Variants in CEP295 observed in about 807,000 individuals in gnomAD.
CEP295 encodes centrosomal protein 295.
In CEP295, 190 loss-of-function variants were observed where a neutral mutation model predicts 291.6. The observed-to-expected ratio is 0.65, with a 90% CI of 0.58 to 0.73. The LOEUF (loss-of-function observed/expected upper bound fraction) is 0.73. Ranked by LOEUF, CEP295 falls within the 30% of genes least tolerant of loss-of-function variation. The pLI is 0.00. For synonymous variants in CEP295, 993 were observed against 1,038.8 expected, an observed-to-expected ratio of 0.96 and a Z score of 0.85; for missense variants, 2,863 against 2,949.4, an observed-to-expected ratio of 0.97 and a Z score of 0.68.
chr11:93,700,678 C>T lies in CEP295; in HGVS notation c.5274+492C>T, dbSNP rs559489407. ...GTGCGGGGATTACAGGTGTGAGCCACCACACCTGACCCAAAGCTCAATTAA... is the reference window on the plus strand; with the variant it reads ...GTGCGGGGATTACAGGTGTGAGCCATCACACCTGACCCAAAGCTCAATTAA... On this transcript the variant is annotated intron_variant, in intron 15 of 29. Transcript: ENST00000325212. Among the ~76,000 whole-genome samples the T allele has an allele frequency of 6.6e-4, 100 of 152,024 alleles. 2 individuals carry two copies. The South Asian group carries it at 7.1e-3, about 11-fold the overall frequency.
intron 1 of CEP295, among the ~76,000 whole-genome samples, chr11:93,662,920 C>T (rs546422717): frequency 4.6e-4 from 70 of 152,182 alleles, no homozygotes; most frequent in South Asian, 1.0e-3. Context: ...TGAAAAGGTG[C>T]CTAATCAATT....
Position 93,698,778 on chromosome 11 carries a change from C to T in CEP295, c.3866C>T (p.Ser1289Phe). Residue 1289 changes from serine (S) to phenylalanine (F), a missense_variant, in exon 15 of 30, where the codon TCT (serine) becomes TTT (phenylalanine). Transcript: ENST00000325212. ...ACATCTTCTGAACAAACTGGTTCAT[C>T]TTCATTCATACCCCAGTTGGTACAG... Reference protein sequence around the residue: ...ENTSSEQTGSSSFIPQLVQLS... With the variant: ...ENTSSEQTGSFSFIPQLVQLS... 6.4e-7 allele frequency: 1 copy of T among 1,551,724 alleles called. No homozygotes were observed. The highest frequency in any genetic ancestry group is 8.7e-7 in the Non-Finnish European group (1 of 1,146,978).
rs768821330 is a variant in CEP295 at position 93,698,136 on chromosome 11, A to C, written c.3224A>C (p.His1075Pro). 39 of 1,552,150 alleles carry C rather than the reference A, an allele frequency of 2.5e-5. No homozygotes were observed. The highest frequency in any genetic ancestry group is 3.3e-5 in the Non-Finnish European group (38 of 1,147,116). ...TKQRDTLQARHEAQVELLLHR... is the reference protein window; with the variant it reads ...TKQRDTLQARPEAQVELLLHR... The stretch of plus-strand genomic sequence containing the variant: ...CAGAGGGATACTCTTCAGGCTAGGC[A>C]TGAAGCTCAGGTGGAATTACTTTTA... The change falls in exon 15 of 30, where the codon CAT becomes CCT. Residue 1075 changes from histidine to proline, a missense_variant. By Grantham distance (77) the His-to-Pro change is moderately conservative. Transcript: ENST00000325212.
chr11:93,681,646 C>T (rs914161906), intron 7 of CEP295, among the ~76,000 whole-genome samples: 2 of 151,260 alleles, frequency 1.3e-5, no homozygotes, highest in African/African-American at 2.4e-5. Context: ...GATCTCCTGA[C>T]CTCATGATCC....
intron 5 of CEP295, 124 bp downstream of exon 5, chr11:93,669,894 T>C: frequency 1.6e-6 from 1 of 610,826 alleles, no homozygotes; most frequent in Non-Finnish European, 2.9e-6. Context: ...TAAAAACTTG[T>C]ACAGGAGTAT....
chr11:93,707,593 T>C (rs1343043841), intron 18 of CEP295, among the ~76,000 whole-genome samples: 1 of 152,020 alleles, frequency 6.6e-6, no homozygotes, highest in East Asian at 1.9e-4. Context: ...ACCCTGTCTA[T>C]ACTAAAAATA....
intron 14 of CEP295, 46 bp from the exon 15 acceptor site, chr11:93,696,636 T>C (rs2135095771): frequency 1.4e-6 from 2 of 1,469,302 alleles, no homozygotes; most frequent in East Asian, 4.9e-5. Flanking sequence ...TGGGGCTTTT[T>C]ATTTTTCATT....
intron 6 of CEP295, among the ~76,000 whole-genome samples, chr11:93,677,021 A>G (rs1278684631): frequency 6.6e-6 from 1 of 152,134 alleles, no homozygotes; most frequent in African/African-American, 2.4e-5. Context: ...ATTTTCAGAA[A>G]TGGGTTTATT....
chr11:93,711,528 A>G (rs1952898082), intron 18 of CEP295, among the ~76,000 whole-genome samples: 1 of 151,930 alleles, frequency 6.6e-6, no homozygotes, highest in South Asian at 2.1e-4. Context: ...TTTGAGACAG[A>G]GTCTAGCTCT....
chr11:93,691,996 C>A lies in CEP295; in HGVS notation c.1499C>A (p.Ala500Glu). Residue 500 changes from alanine (A) to glutamate (E), a missense_variant, in exon 12 of 30, where the codon GCA becomes GAA. By Grantham distance (107) the Ala-to-Glu change is moderately radical. This residue lies in a region of CEP295 where 554 missense variants were observed against 576.0 expected (regional missense o/e 0.96). Transcript: ENST00000325212. ...SSVLLHPQEAAARIRMSARQK... is the reference protein window; with the variant it reads ...SSVLLHPQEAEARIRMSARQK... ...GTTCTACTTCATCCTCAAGAAGCAGCAGCCAGGATTAGAATGTCAGCAAGG... is the reference window on the plus strand; with the variant it reads ...GTTCTACTTCATCCTCAAGAAGCAGAAGCCAGGATTAGAATGTCAGCAAGG... 6.5e-7 allele frequency: 1 copy of A among 1,533,636 alleles called. No individual in the cohort carries two copies. The highest frequency in any genetic ancestry group is 8.8e-7 in the Non-Finnish European group (1 of 1,131,030).
At chr11:93,707,784 A>T (rs901468980) in intron 18 of CEP295, among the ~76,000 whole-genome samples, 1 of 152,210 alleles carries the variant, frequency 6.6e-6, no homozygotes, top group Admixed American at 6.5e-5. Flanking sequence ...GTTACATTTT[A>T]TAGCCAGATT....
chr11:93,663,596 G>A (rs1950082712), intron 1 of CEP295, among the ~76,000 whole-genome samples: 1 of 152,138 alleles, frequency 6.6e-6, no homozygotes, highest in African/African-American at 2.4e-5. Flanking sequence ...TTTGATCATT[G>A]TACCATGGTT....
intron 18 of CEP295, among the ~76,000 whole-genome samples, chr11:93,718,871 G>A (rs1406999453): frequency 1.3e-5 from 2 of 152,296 alleles, no homozygotes; most frequent in East Asian, 3.9e-4. Flanking sequence ...AGCACTTAGG[G>A]AGGCCCAGGT....
rs1277079006 is a variant in CEP295, at chr11:93,695,607, A to G, written c.1644A>G (p.Glu548=). Residue 548 remains glutamate, a synonymous_variant, in exon 13 of 30, where the codon GAA becomes GAG. Coordinates refer to ENST00000325212, the MANE Select transcript of CEP295 (RefSeq NM_033395.2). ...GCTTCAGGGCTCAGCTGGAAGAAGA[A>G]AAAAGAAAAAAAACTCAACCGACTG... ...TDCFRAQLEE[E]KRKKTQPTGV... 1 of 1,496,852 alleles carries G rather than the reference A, an allele frequency of 6.7e-7. No homozygotes were observed. Among genetic ancestry groups the G allele is most frequent in the Non-Finnish European group, 8.8e-7 (1 of 1,131,494 alleles). The allele number at this position is 1,496,852 out of a possible 1,614,324, so 92.7% of individuals were successfully genotyped here. A position where few individuals can be genotyped will look rare whatever the true frequency, so the allele number is the denominator to read the frequency against.
chr11:93,666,929 G>A (rs1950228420), intron 2 of CEP295, 114 bp downstream of exon 2: 1 of 592,828 alleles, frequency 1.7e-6, no homozygotes, highest in Admixed American at 2.9e-5. Flanking sequence ...GGGTATACGA[G>A]AGCCCTGGTT....
chr11:93,702,639 T>C lies in CEP295; in HGVS notation c.5452+2T>C, dbSNP rs1174928905. 5.2e-6 allele frequency: 8 copies of C among 1,541,768 alleles called. No homozygotes were observed. The Admixed American group carries it at 8.1e-5, about 16-fold the overall frequency. ...AAGATACTAGTGCCAAGCAAAGTGG[T>C]AAGATAATTGTGTTTGATTGTAATT... On this transcript the variant is annotated splice_donor_variant, in intron 16 of 29. Coordinates refer to ENST00000325212, the MANE Select transcript of CEP295 (RefSeq NM_033395.2). LOFTEE classifies it high-confidence loss of function.
At position 93,687,887 on chromosome 11, in the gene CEP295, A is replaced by G. The variant is rs180923022; in HGVS notation, c.1336+22A>G. 687 of 1,507,390 alleles carry G rather than the reference A, an allele frequency of 4.6e-4. 2 individuals are homozygous for G. The African/African-American group carries it at 8.4e-3, about 18-fold the overall frequency. The allele number at this position is 1,507,390 out of a possible 1,614,324, so 93.4% of individuals were successfully genotyped here. Reference sequence around the variant, plus strand: ...CAAGGTATTTCTCTCCAAGAGTCTCATTTTCTATAAACCCTTTTAAGTTGT... The same window carrying G: ...CAAGGTATTTCTCTCCAAGAGTCTCGTTTTCTATAAACCCTTTTAAGTTGT... On this transcript the variant is annotated intron_variant, in intron 10 of 29. Transcript: ENST00000325212.
chr11:93,675,820 A>T (rs1950661886), intron 6 of CEP295, among the ~76,000 whole-genome samples, 154 bp downstream of exon 6: 1 of 152,078 alleles, frequency 6.6e-6, no homozygotes, highest in Non-Finnish European at 1.5e-5. Flanking sequence ...TTGAATTTTC[A>T]TGTCAGGCAT....
rs1277794397 is a variant in CEP295, at chr11:93,723,306, G to A, written c.6196+17G>A. 5 of 1,446,262 alleles carry A rather than the reference G, an allele frequency of 3.5e-6. No individual in the cohort carries two copies. In the Admixed American group the frequency reaches 1.3e-4, roughly 36 times the overall value. The allele number at this position is 1,446,262 out of a possible 1,614,324, so 89.6% of individuals were successfully genotyped here. ...ATTTGCAAGGTAAAATTATTTTAAA[G>A]CAATACTTTTATGTAAATTAAGTTT... On this transcript the variant is annotated intron_variant, in intron 21 of 29. Coordinates refer to ENST00000325212, the MANE Select transcript of CEP295 (RefSeq NM_033395.2).
Sources: allele counts gnomAD v4.1 joint callset (sites outside exome capture counted in the v4.1 genomes callset), GRCh38; gene constraint gnomAD v4.1.1; regional missense constraint gnomAD v4.1.1; transcripts MANE v1.5; gene names NCBI Gene and HGNC (gene_info 2026-07-23, HGNC 2026-07-21).